The following PRSS2 variants were observed in gnomAD, a reference collection of about 807,000 sequenced individuals.
PRSS2 encodes serine protease 2.
PRSS2 carries 19 observed loss-of-function variants against 19.2 expected under a neutral mutation model. The observed-to-expected ratio is 0.99, with a 90% confidence interval of 0.69 to 1.45. PRSS2 has a LOEUF of 1.45. Among genes scored for constraint, PRSS2 ranks in the 40% most tolerant of loss-of-function variants. The pLI is 0.00. For synonymous variants in PRSS2, 107 were observed against 117.5 expected (o/e 0.91, Z 0.58); for missense variants, 288 against 294.4 (o/e 0.98, Z 0.16).
chr7:142,774,167 A>AT lies in PRSS2; in HGVS notation c.591+113dup, dbSNP rs1253032779. Reference sequence around the variant, plus strand: ...CTGAGGAGGCTCCCTGCAGTGCCCCATGGAGAAGTGAGGAAGACTCCTTTG... The same window carrying AT: ...CTGAGGAGGCTCCCTGCAGTGCCCCATTGGAGAAGTGAGGAAGACTCCTTTG... On this transcript the variant is annotated intron_variant, in intron 4 of 4. Transcript: ENST00000539842. 867 of 1,308,680 alleles carry AT rather than the reference A, an allele frequency of 6.6e-4. 9 individuals carry two copies. The highest frequency in any genetic ancestry group is 6.0e-5 in the Non-Finnish European group (54 of 904,890). The allele number at this position is 1,308,680 out of a possible 1,614,324, so 81.1% of individuals were successfully genotyped here.
chr7:142,772,264 G>A, intron 2 of PRSS2, 56 bp downstream of exon 2: 17 of 1,590,204 alleles, frequency 1.1e-5, no homozygotes, highest in Non-Finnish European at 1.5e-5. Context: ...GGGAGAGCTT[G>A]GATTCAGCCC....
At chr7:142,774,081 G>C (rs781088970) in intron 4 of PRSS2, 26 bp downstream of exon 4, 29 of 1,531,300 alleles carry the variant, frequency 1.9e-5, no homozygotes, top group Non-Finnish European at 2.6e-5. Context: ...CCCATGCTGA[G>C]GCTCCCACTG....
At position 142,773,132 on chromosome 7, in the gene PRSS2, T is replaced by A. The variant is rs904649519; in HGVS notation, c.201-134T>A. 9.9e-6 allele frequency: 15 copies of A among 1,517,432 alleles called. No individual in the cohort carries two copies. In the African/African-American group the frequency reaches 2.1e-4, roughly 21 times the overall value. The allele number at this position is 1,517,432 out of a possible 1,614,324, so 94.0% of individuals were successfully genotyped here. On this transcript the variant is annotated intron_variant, in intron 2 of 4. Coordinates refer to ENST00000539842, the MANE Select transcript of PRSS2 (RefSeq NM_002770.4). Reference sequence around the variant, plus strand: ...CTGACCCACATTGCTCTCCTGCCCATGCAATATGGCCACACACCCCACCCC... The same window carrying A: ...CTGACCCACATTGCTCTCCTGCCCAAGCAATATGGCCACACACCCCACCCC...
At position 142,774,556 on chromosome 7, in the gene PRSS2, C is replaced by A; in HGVS notation, c.*48C>A. The A allele has an allele frequency of 6.4e-7, 1 of 1,556,230 alleles. No homozygotes were observed. Among genetic ancestry groups the A allele is most frequent in the East Asian group, 2.3e-5 (1 of 44,414 alleles). ...TCTATACCAATAAAGTGACCCTGCT[C>A]TCACTGTCTGTGTCTGTGCCTCCTC... On this transcript the variant is annotated 3_prime_UTR_variant, in exon 5 of 5. Transcript: ENST00000539842.
intron 3 of PRSS2, among the ~76,000 whole-genome samples, 175 bp downstream of exon 3, chr7:142,773,694 T>C (rs1800169089): frequency 1.3e-5 from 2 of 152,252 alleles, no homozygotes; most frequent in Non-Finnish European, 2.9e-5. Flanking sequence ...ATGTGGCTCC[T>C]AAAATCAAAA....
chr7:142,771,853 T>C (rs1799930850), intron 1 of PRSS2, among the ~76,000 whole-genome samples, 196 bp from the exon 2 acceptor site: 3 of 152,250 alleles, frequency 2.0e-5, no homozygotes, highest in Non-Finnish European at 4.4e-5. Flanking sequence ...ACAGGGTACC[T>C]AGCTACGTGC....
chr7:142,774,151 C>T (rs1163714388), intron 4 of PRSS2, 96 bp downstream of exon 4: 1 of 1,389,142 alleles, frequency 7.2e-7, no homozygotes, highest in Non-Finnish European at 1.0e-6. Flanking sequence ...GCTGAGGAGG[C>T]TCCCTGCAGT....
At chr7:142,772,842 T>G (rs1800058864) in intron 2 of PRSS2, among the ~76,000 whole-genome samples, 1 of 152,216 alleles carries the variant, frequency 6.6e-6, no homozygotes, top group Admixed American at 6.5e-5. Flanking sequence ...ACCCTTGGAT[T>G]AGATTACACA....
chr7:142,774,256 C>T, intron 4 of PRSS2, 100 bp from the exon 5 acceptor site: 1 of 1,065,958 alleles, frequency 9.4e-7, no homozygotes, highest in Non-Finnish European at 1.5e-6. Context: ...CGTGGAGCCA[C>T]AGAGCTGGCT....
chr7:142,774,289 A>C, intron 4 of PRSS2, 67 bp from the exon 5 acceptor site: 1 of 1,056,492 alleles, frequency 9.5e-7, no homozygotes, highest in Non-Finnish European at 1.5e-6. Flanking sequence ...TTTAAGGTTC[A>C]GAGCAAATGT....
Position 142,772,178 on chromosome 7 carries a change from G to T in PRSS2, c.170G>T (p.Trp57Leu), listed in dbSNP as rs1554506002. The change falls in exon 2 of 5, where the codon TGG (tryptophan) becomes TTG (leucine). Residue 57 changes from tryptophan to leucine, a missense_variant. By Grantham distance (61) the Trp-to-Leu change is moderately conservative. Transcript: ENST00000539842. ...FCGGSLISEQ[W>L]VVSAGHCYKS... ...GGTGGCTCCCTCATCAGCGAACAGT[G>T]GGTGGTGTCAGCAGGTCACTGCTAC... 4 of 1,613,764 alleles carry T rather than the reference G, an allele frequency of 2.5e-6. No homozygotes were observed. Among genetic ancestry groups the T allele is most frequent in the Non-Finnish European group, 3.4e-6 (4 of 1,179,756 alleles).
chr7:142,771,335 G>A (rs2089337895), intron 1 of PRSS2, among the ~76,000 whole-genome samples: 800 of 152,254 alleles, frequency 5.3e-3, no homozygotes, highest in Non-Finnish European at 8.1e-3. Context: ...CACCACAATA[G>A]CACCACTATA....
chr7:142,772,097 G>T lies in PRSS2; in HGVS notation c.89G>T (p.Cys30Phe). Residue 30 changes from cysteine to phenylalanine, a missense_variant, in exon 2 of 5, where the codon TGT becomes TTT. Transcript: ENST00000539842. ...DDDKIVGGYI[C>F]EENSVPYQVS... is the part of the protein sequence containing the mutation. ...GACAAGATCGTTGGGGGCTACATCT[G>T]TGAGGAGAATTCTGTCCCCTACCAG... The T allele has an allele frequency of 6.2e-7, 1 of 1,613,714 alleles. No individual in the cohort carries two copies. The highest frequency in any genetic ancestry group is 8.5e-7 in the Non-Finnish European group (1 of 1,179,708).
rs1554507091 is a variant in PRSS2 at position 142,774,038 on chromosome 7, G to A, written c.574G>A (p.Gly192Ser). Residue 192 changes from glycine to serine, a missense_variant, in exon 4 of 5, where the codon GGC becomes AGC. Physicochemically the swap from Gly to Ser is moderately conservative, Grantham distance 56 (BLOSUM62 0). Coordinates refer to ENST00000539842, the MANE Select transcript of PRSS2 (RefSeq NM_002770.4). ...GTTCTGTGTGGGCTTCCTCGAGGGAGGCAAGGATTCCTGCCAGGTGATTTG... is the reference window on the plus strand; with the variant it reads ...GTTCTGTGTGGGCTTCCTCGAGGGAAGCAAGGATTCCTGCCAGGTGATTTG... ...NMFCVGFLEG[G>S]KDSCQGDSGG... 6.3e-7 allele frequency: 1 copy of A among 1,598,548 alleles called. No individual in the cohort carries two copies. The highest frequency in any genetic ancestry group is 1.1e-5 in the South Asian group (1 of 90,674).
chr7:142,771,495 CA>C (rs1799886272), intron 1 of PRSS2, among the ~76,000 whole-genome samples: 1 of 152,220 alleles, frequency 6.6e-6, no homozygotes, highest in Admixed American at 6.5e-5. Flanking sequence ...TCTAGGCATG[CA>C]GCCAAGGTTA....
intron 4 of PRSS2, 32 bp downstream of exon 4, chr7:142,774,087 C>A: frequency 6.4e-7 from 1 of 1,566,806 alleles, no homozygotes; most frequent in Non-Finnish European, 8.8e-7. Flanking sequence ...CTGAGGCTCC[C>A]ACTGATAACC....
In PRSS2 at chr7:142,774,144, G is replaced by C. The variant is rs1299826492; in HGVS notation, c.591+89G>C. 100 of 613,022 alleles carry C rather than the reference G, an allele frequency of 1.6e-4. 1 individual carries two copies. The African/African-American group carries it at 2.1e-3, about 13-fold the overall frequency. The allele number at this position is 613,022 out of a possible 1,614,324, so 38.0% of individuals were successfully genotyped here. On this transcript the variant is annotated intron_variant, in intron 4 of 4. Coordinates refer to ENST00000539842, the MANE Select transcript of PRSS2 (RefSeq NM_002770.4). The stretch of plus-strand genomic sequence containing the variant: ...TTTGAACTCCCAAGGTGGCGGGGCT[G>C]AGGAGGCTCCCTGCAGTGCCCCATG...
chr7:142,771,537 G>A lies in PRSS2; in HGVS notation c.41-512G>A, dbSNP rs951074015. Reference sequence around the variant, plus strand: ...TGCTGTTGTTTTGACCAATAATAACGTATACCTTTGTTCTGCAAAAGTGAG... The same window carrying A: ...TGCTGTTGTTTTGACCAATAATAACATATACCTTTGTTCTGCAAAAGTGAG... On this transcript the variant is annotated intron_variant, in intron 1 of 4. Transcript: ENST00000539842. Among the ~76,000 whole-genome samples, 5 of 152,318 alleles carry A rather than the reference G, an allele frequency of 3.3e-5. No individual in the cohort carries two copies. In the East Asian group the frequency reaches 5.8e-4, roughly 18 times the overall value.
intron 2 of PRSS2, chr7:142,772,564 C>T (rs1179528296): frequency 2.9e-5 from 19 of 663,858 alleles, no homozygotes; most frequent in Non-Finnish European, 4.9e-5. Context: ...TATCCCAGGG[C>T]AATTAACTCA....
Sources: gnomAD v4.1 joint callset for allele counts (sites outside exome capture counted in the v4.1 genomes callset) on GRCh38, gnomAD v4.1.1 for gene constraint, MANE v1.5 for transcripts, NCBI Gene and HGNC (gene_info 2026-07-23, HGNC 2026-07-21) for gene names.